UBOX5: variants seen among roughly 807,000 people sequenced by gnomAD.
UBOX5 encodes U-box domain containing 5.
UBOX5 carries 28 observed loss-of-function variants against 39.0 expected under a neutral mutation model. The ratio of observed to expected loss-of-function variants is 0.72; its 90% CI spans 0.53 to 0.98. The LOEUF is 0.98. Among genes scored for constraint, UBOX5 ranks in the 50% least tolerant of loss-of-function variants. The probability of loss-of-function intolerance (pLI) is 0.00; values close to 1 mark genes in which losing one functional copy is unlikely to be tolerated. For synonymous variants in UBOX5, 283 were observed against 275.5 expected (o/e 1.03, Z -0.27); for missense variants, 585 against 674.4 (o/e 0.87, Z 1.47).
chr20:3,123,279 A>G, intron 2 of UBOX5, 33 bp downstream of exon 2: 2 of 1,592,856 alleles, frequency 1.3e-6, no homozygotes, highest in Non-Finnish European at 1.7e-6. Flanking sequence ...CAAACATAGC[A>G]TATATTTATG....
intron 1 of UBOX5, among the ~76,000 whole-genome samples, chr20:3,125,817 T>G (rs1600379482): frequency 7.0e-6 from 1 of 143,714 alleles, no homozygotes. Context: ...GTCTGGGAAG[T>G]GAGGAGCGCC....
intron 1 of UBOX5, among the ~76,000 whole-genome samples, chr20:3,126,912 T>A (rs1040727950): frequency 1.3e-5 from 2 of 151,962 alleles, no homozygotes; most frequent in African/African-American, 4.8e-5. Context: ...GGCAGGCACC[T>A]GTAATCCCAG....
chr20:3,127,298 A>G (rs535081747), intron 1 of UBOX5, among the ~76,000 whole-genome samples: 56 of 152,288 alleles, frequency 3.7e-4, no homozygotes, highest in African/African-American at 1.3e-3. Flanking sequence ...TTTGCTGTCA[A>G]AATCAGTAGG....
Position 3,110,161 on chromosome 20 carries a change from C to T in UBOX5, c.1571G>A (p.Cys524Tyr). ...AGCAACCGGCCGCTGGCAGGCTGTG[C>T]ACGTCATGGGCAGGGAGCGTTGCTT... ...GEKQRSLPMT[C>Y]TACQRPVASQ... Residue 524 changes from cysteine (C) to tyrosine (Y), a missense_variant, in exon 5 of 5, where the codon TGC becomes TAC. Transcript: ENST00000217173. 1 of 1,613,366 alleles carries T rather than the reference C, an allele frequency of 6.2e-7. No individual in the cohort carries two copies. Among genetic ancestry groups the T allele is most frequent in the Non-Finnish European group, 8.5e-7 (1 of 1,180,038 alleles).
chr20:3,110,841 GA>G (rs533897560), intron 4 of UBOX5: 5,246 of 100,986 alleles, frequency 0.052, 233 homozygotes, highest in African/African-American at 0.15. Context: ...CTACAAAAAA[GA>G]AAAAAAAAAA....
In UBOX5 at chr20:3,121,959, G is replaced by A. The variant is rs994219498; in HGVS notation, c.680C>T (p.Ala227Val). ...GTCACAGTCACTTTCCATGGGCAAG[G>A]CTGGAGCCTGCAGAGCCACATCCTG... ...LPQDVALQAPALPMESDCDPG... is the reference protein window; with the variant it reads ...LPQDVALQAPVLPMESDCDPG... The change falls in exon 3 of 5, where the codon GCC becomes GTC. Residue 227 changes from alanine (A) to valine (V), a missense_variant. Transcript: ENST00000217173. 14 of 1,613,802 alleles carry A rather than the reference G, an allele frequency of 8.7e-6. No homozygotes were observed. The highest frequency in any genetic ancestry group is 1.1e-5 in the South Asian group (1 of 91,088).
At chr20:3,157,225 G>A (rs1363288163) in intron 1 of UBOX5, among the ~76,000 whole-genome samples, 1 of 152,218 alleles carries the variant, frequency 6.6e-6, no homozygotes, top group Non-Finnish European at 1.5e-5. Flanking sequence ...TGTTAATGTG[G>A]ATGTTAACTG....
At chr20:3,158,323 C>T (rs2066710527) in intron 1 of UBOX5, among the ~76,000 whole-genome samples, 1 of 151,834 alleles carries the variant, frequency 6.6e-6, no homozygotes, top group South Asian at 2.1e-4. Context: ...ATGGCAAGGC[C>T]TTATTAGGGA....
intron 3 of UBOX5, among the ~76,000 whole-genome samples, chr20:3,117,480 T>A (rs1035217000): frequency 6.6e-6 from 1 of 152,170 alleles, no homozygotes; most frequent in African/African-American, 2.4e-5. Context: ...GCTCAGGAGT[T>A]TGTGACCAGC....
intron 1 of UBOX5, among the ~76,000 whole-genome samples, chr20:3,132,343 A>T (rs2066436023): frequency 1.3e-5 from 2 of 152,150 alleles, no homozygotes; most frequent in Non-Finnish European, 2.9e-5. Flanking sequence ...AACACAAAGA[A>T]TTATACAGCA....
chr20:3,139,549 C>T (rs2066499069), intron 1 of UBOX5, among the ~76,000 whole-genome samples: 1 of 151,220 alleles, frequency 6.6e-6, no homozygotes, highest in Non-Finnish European at 1.5e-5. Flanking sequence ...ACCACCACAC[C>T]CAACTAATTT....
In UBOX5 at chr20:3,148,362, A is replaced by G. The variant is rs368165146; in HGVS notation, c.-42+11404T>C. 34 of 1,614,172 alleles carry G rather than the reference A, an allele frequency of 2.1e-5. No homozygotes were observed. The African/African-American group carries it at 2.3e-4, about 11-fold the overall frequency. On this transcript the variant is annotated intron_variant, in intron 1 of 4. Coordinates refer to ENST00000217173, the MANE Select transcript of UBOX5 (RefSeq NM_014948.4). ...AGGAGCTGATCCATATTCATCTCCC[A>G]TACCTGATGGCAACACTTGGTCTCA...
intron 4 of UBOX5, 111 bp from the exon 5 acceptor site, chr20:3,110,425 C>T: frequency 4.0e-6 from 5 of 1,262,578 alleles, no homozygotes; most frequent in Non-Finnish European, 4.5e-6. Context: ...CTGGCTTCAT[C>T]CCTCCCGAGT....
intron 1 of UBOX5, among the ~76,000 whole-genome samples, chr20:3,135,464 G>C (rs562805383): frequency 7.0e-4 from 107 of 152,282 alleles, no homozygotes; most frequent in African/African-American, 2.3e-3. Context: ...GGTGGAGTAG[G>C]AGCCACAGCT....
At position 3,121,708 on chromosome 20, in the gene UBOX5, C is replaced by CTA; in HGVS notation, c.929_930dup (p.Ala311Ter). The CTA allele has an allele frequency of 6.2e-7, 1 of 1,614,084 alleles. No individual in the cohort carries two copies. The highest frequency in any genetic ancestry group is 8.5e-7 in the Non-Finnish European group (1 of 1,180,034). ...AGGGGCTGAGAGTGCGGAGTAAAAGCTACCCCCGTGAAAGGGTCACTGGGC... is the reference window on the plus strand; with the variant it reads ...AGGGGCTGAGAGTGCGGAGTAAAAGCTATACCCCCGTGAAAGGGTCACTGGGC... On this transcript the variant is annotated frameshift_variant, in exon 3 of 5. Coordinates refer to ENST00000217173, the MANE Select transcript of UBOX5 (RefSeq NM_014948.4). LOFTEE classifies it high-confidence loss of function.
At chr20:3,146,623 C>T (rs2066565594) in intron 1 of UBOX5, 1 of 801,300 alleles carries the variant, frequency 1.2e-6, no homozygotes, top group Non-Finnish European at 2.0e-6. Flanking sequence ...TTCACAGTAA[C>T]ATACACTAGC....
At chr20:3,110,432 G>C (rs1003484683) in intron 4 of UBOX5, 118 bp from the exon 5 acceptor site, 1 of 1,189,992 alleles carries the variant, frequency 8.4e-7, no homozygotes, top group Non-Finnish European at 1.2e-6. Flanking sequence ...CATCCCTCCC[G>C]AGTCCATCCC....
chr20:3,152,754 A>C (rs981872772), intron 1 of UBOX5, among the ~76,000 whole-genome samples: 2 of 151,726 alleles, frequency 1.3e-5, no homozygotes, highest in African/African-American at 4.8e-5. Context: ...CTAAAAATAC[A>C]AAAATTAGCT....
At chr20:3,157,465 C>T (rs1568485060) in intron 1 of UBOX5, among the ~76,000 whole-genome samples, 1 of 152,204 alleles carries the variant, frequency 6.6e-6, no homozygotes, top group African/African-American at 2.4e-5. Context: ...ATTTGTGAAA[C>T]TTTTTCAGCT....
Sources: allele counts gnomAD v4.1 joint callset (sites outside exome capture counted in the v4.1 genomes callset), GRCh38; gene constraint gnomAD v4.1.1; transcripts MANE v1.5; gene names NCBI Gene and HGNC (gene_info 2026-07-23, HGNC 2026-07-21).